The following KRT73 variants were observed in gnomAD, a reference collection of about 807,000 sequenced individuals.
The protein encoded by KRT73 is keratin 73.
KRT73 carries 44 observed loss-of-function variants against 47.2 expected under a neutral mutation model. That is an observed-to-expected ratio of 0.93 (90% CI 0.73 to 1.20). The LOEUF is 1.20. Ranked by LOEUF, KRT73 falls within the 50% of genes most tolerant of loss-of-function variation. The pLI, the probability that KRT73 is intolerant of heterozygous loss-of-function variation, is 0.00. For missense variants in KRT73, 713 were observed against 704.5 expected (o/e 1.01, Z -0.14); for synonymous variants, 285 against 291.3 (o/e 0.98, Z 0.22).
intron 2 of KRT73, 106 bp downstream of exon 2, chr12:52,616,060 G>A: frequency 7.3e-7 from 1 of 1,364,496 alleles, no homozygotes. Flanking sequence ...CATCTTGCTG[G>A]GACAGATGAA....
In KRT73 at chr12:52,614,680, G is replaced by T; in HGVS notation, c.724-6C>A. 6.2e-7 allele frequency: 1 copy of T among 1,611,212 alleles called. No individual in the cohort carries two copies. The highest frequency in any genetic ancestry group is 1.7e-4 in the Middle Eastern group (1 of 5,806). ...GTGTAAGCTGCGTCCACGTCCTATG[G>T]AGAATCCAGATACCCCTGACCTCAC... On this transcript the variant is annotated splice_polypyrimidine_tract_variant and splice_region_variant and intron_variant, in intron 3 of 8. Transcript: ENST00000305748.
Position 52,616,204 on chromosome 12 carries a change from C to T in KRT73, c.624G>A (p.Leu208=), listed in dbSNP as rs751603798. 1.6e-5 allele frequency: 26 copies of T among 1,614,036 alleles called. No individual in the cohort carries two copies. Among genetic ancestry groups the T allele is most frequent in the Non-Finnish European group, 2.1e-5 (25 of 1,180,024 alleles). The part of the protein sequence containing the change: ...SGDRVRLDSE[L]RSVREVVEDY... Reference sequence around the variant, plus strand: ...CCTCCACCACTTCGCGCACGCTCCTCAGCTCCGAGTCCAGCCTCACCCTGT... The same window carrying T: ...CCTCCACCACTTCGCGCACGCTCCTTAGCTCCGAGTCCAGCCTCACCCTGT... Residue 208 remains leucine (L), a synonymous_variant, in exon 2 of 9, where the codon CTG becomes CTA. Coordinates refer to ENST00000305748, the MANE Select transcript of KRT73 (RefSeq NM_175068.3).
chr12:52,619,631 C>T (rs1470460001), upstream of KRT73, among the ~76,000 whole-genome samples: 2 of 152,298 alleles, frequency 1.3e-5, no homozygotes, highest in Non-Finnish European at 2.9e-5. Context: ...GTTTAACAGA[C>T]TTCTCTTGAG....
chr12:52,616,531 C>A (rs951021235), intron 1 of KRT73, 151 bp from the exon 2 acceptor site: 1 of 938,054 alleles, frequency 1.1e-6, no homozygotes, highest in African/African-American at 1.7e-5. Flanking sequence ...CACACCCCCA[C>A]TCCTTACCTA....
the KRT73 span, among the ~76,000 whole-genome samples, chr12:52,626,436 G>A: frequency 2.6e-5 from 4 of 152,066 alleles, no homozygotes; most frequent in Admixed American, 2.6e-4. Flanking sequence ...TCTTGAGCTT[G>A]GAGAGTTTCT....
In KRT73 at chr12:52,618,335, C is replaced by T. The variant is rs765294425; in HGVS notation, c.190G>A (p.Gly64Ser). The T allele has an allele frequency of 8.7e-6, 14 of 1,614,064 alleles. No individual in the cohort carries two copies. In the South Asian group the frequency reaches 1.4e-4, roughly 16 times the overall value. Residue 64 changes from glycine (G) to serine (S), a missense_variant, in exon 1 of 9, where the codon GGC becomes AGC. Physicochemically the swap from Gly to Ser is moderately conservative, Grantham distance 56. Coordinates refer to ENST00000305748, the MANE Select transcript of KRT73 (RefSeq NM_175068.3). ...CCATAGCCTCCTGCCCACCCACTGC[C>T]ACTGGCCACATTGAAAGAGATGCTC... ...ARSISFNVAS[G>S]SGWAGGYGFG...
rs780948492 is a variant in KRT73 at position 52,608,179 on chromosome 12, TG to T, written c.*16del. 3 of 1,598,222 alleles carry T rather than the reference TG, an allele frequency of 1.9e-6. No individual in the cohort carries two copies. The East Asian group carries it at 6.7e-5, about 36-fold the overall frequency. ...CAGGGCAAGGCAGACTACTGGGAAA[TG>T]GGCTGTGTTGCACTTTTATCTCATG... On this transcript the variant is annotated 3_prime_UTR_variant, in exon 9 of 9. Coordinates refer to ENST00000305748, the MANE Select transcript of KRT73 (RefSeq NM_175068.3).
chr12:52,623,917 A>G, the KRT73 span, among the ~76,000 whole-genome samples: 1 of 152,058 alleles, frequency 6.6e-6, no homozygotes, highest in East Asian at 1.9e-4. Flanking sequence ...ACATAAATAG[A>G]AAAAAGAGAA....
chr12:52,628,983 A>G, the KRT73 span, among the ~76,000 whole-genome samples: 2 of 152,006 alleles, frequency 1.3e-5, no homozygotes, highest in South Asian at 2.1e-4. Flanking sequence ...GGAGACCTGG[A>G]CTCTCATTAA....
intron 7 of KRT73, 71 bp from the exon 8 acceptor site, chr12:52,609,352 C>T: frequency 7.6e-7 from 1 of 1,323,554 alleles, no homozygotes. Flanking sequence ...TGCCTAAACA[C>T]AGGCTGGGGA....
rs141382861 is a variant in KRT73, at chr12:52,608,006, C to T, written c.*190G>A. The stretch of plus-strand genomic sequence containing the variant: ...TTGGATGGAGGCAGAAAGATGGGCT[C>T]CAGCTCTCAAATCCTGATTCAACAT... On this transcript the variant is annotated 3_prime_UTR_variant, in exon 9 of 9. Coordinates refer to ENST00000305748, the MANE Select transcript of KRT73 (RefSeq NM_175068.3). The T allele has an allele frequency of 2.5e-4, 155 of 626,620 alleles. No individual in the cohort carries two copies. The East Asian group carries it at 4.1e-3, about 16-fold the overall frequency. The allele number at this position is 626,620 out of a possible 1,614,324, so 38.8% of individuals were successfully genotyped here.
chr12:52,623,088 A>T (rs915396550), upstream of KRT73, among the ~76,000 whole-genome samples: 2 of 152,232 alleles, frequency 1.3e-5, no homozygotes, highest in African/African-American at 4.8e-5. Context: ...AGGAATAAAA[A>T]TTCCCCAAAT....
chr12:52,618,425 C>T lies in KRT73; in HGVS notation c.100G>A (p.Ala34Thr), dbSNP rs766550811. ...CCTCCACTGAGCCCTTTGCCCCCTG[C>T]TCGGTAGGAGGATGAGCTGCCCCCT... ...LSGGSSSSYR[A>T]GGKGLSGGFS... The change falls in exon 1 of 9, where the codon GCA (alanine) becomes ACA (threonine). Residue 34 changes from alanine to threonine, a missense_variant. Physicochemically the swap from Ala to Thr is moderately conservative, Grantham distance 58 (BLOSUM62 0). Coordinates refer to ENST00000305748, the MANE Select transcript of KRT73 (RefSeq NM_175068.3). 6.2e-6 allele frequency: 10 copies of T among 1,614,018 alleles called. No homozygotes were observed. Among genetic ancestry groups the T allele is most frequent in the Admixed American group, 5.0e-5 (3 of 60,008 alleles).
upstream of KRT73, among the ~76,000 whole-genome samples, chr12:52,622,836 A>C (rs1940924968): frequency 6.6e-6 from 1 of 152,110 alleles, no homozygotes; most frequent in Non-Finnish European, 1.5e-5. Context: ...AAAATAAAAA[A>C]CTCAATGGAT....
At position 52,618,167 on chromosome 12, in the gene KRT73, C is replaced by T. The variant is rs1237391162; in HGVS notation, c.358G>A (p.Glu120Lys). 1 of 1,613,942 alleles carries T rather than the reference C, an allele frequency of 6.2e-7. No individual in the cohort carries two copies. Among genetic ancestry groups the T allele is most frequent in the Non-Finnish European group, 8.5e-7 (1 of 1,179,992 alleles). ...NKSLLAPLNV[E>K]LDPEIQKVRA... is the part of the protein sequence containing the mutation. The stretch of plus-strand genomic sequence containing the variant: ...ACTTTCTGGATTTCAGGGTCCAGCT[C>T]CACGTTCAGGGGTGCCAGGAGGCTC... Residue 120 changes from glutamate to lysine, a missense_variant, in exon 1 of 9, where the codon GAG becomes AAG. Physicochemically the swap from Glu to Lys is moderately conservative, Grantham distance 56 (BLOSUM62 1). Coordinates refer to ENST00000305748, the MANE Select transcript of KRT73 (RefSeq NM_175068.3).
upstream of KRT73, among the ~76,000 whole-genome samples, chr12:52,619,863 C>T (rs1165415877): frequency 6.6e-6 from 1 of 152,158 alleles, no homozygotes; most frequent in African/African-American, 2.4e-5. Flanking sequence ...ATTTCACTAG[C>T]TGGAGTACTT....
chr12:52,616,007 G>T (rs1484595641), intron 2 of KRT73, among the ~76,000 whole-genome samples, 159 bp downstream of exon 2: 1 of 152,204 alleles, frequency 6.6e-6, no homozygotes, highest in African/African-American at 2.4e-5. Context: ...CAAGAGGCTG[G>T]TTGTCCACTG....
chr12:52,614,703 C>T, intron 3 of KRT73, 29 bp from the exon 4 acceptor site: 1 of 1,585,876 alleles, frequency 6.3e-7, no homozygotes, highest in Middle Eastern at 1.9e-4. Flanking sequence ...CCCCTGACCT[C>T]ACCTTTCTTC....
In KRT73 at chr12:52,615,270, C is replaced by G. The variant is rs1440664641; in HGVS notation, c.723+9G>C. 8.1e-6 allele frequency: 13 copies of G among 1,612,074 alleles called. No individual in the cohort carries two copies. Among genetic ancestry groups the G allele is most frequent in the Non-Finnish European group, 1.0e-5 (12 of 1,178,524 alleles). On this transcript the variant is annotated intron_variant, in intron 3 of 8. Coordinates refer to ENST00000305748, the MANE Select transcript of KRT73 (RefSeq NM_175068.3). ...GGGGGACTGAAGGGAACCCATGCAC[C>G]CTCCTCACCTTCTTAAGCACCACAA...
Sources: gnomAD v4.1 joint callset for allele counts (sites outside exome capture counted in the v4.1 genomes callset) on GRCh38, gnomAD v4.1.1 for gene constraint, MANE v1.5 for transcripts, NCBI Gene and HGNC (gene_info 2026-07-23, HGNC 2026-07-21) for gene names.